Variants in SND1 observed in about 807,000 individuals in gnomAD.
The protein encoded by SND1 is staphylococcal nuclease and tudor domain containing 1, also known as staphylococcal nuclease domain-containing protein 1.
In SND1, 38 loss-of-function variants were observed where a neutral mutation model predicts 121.7. The ratio of observed to expected loss-of-function variants is 0.31; its 90% CI spans 0.24 to 0.41. SND1 has a LOEUF of 0.41. Ranked by LOEUF, SND1 falls within the 10% of genes least tolerant of loss-of-function variation. The pLI is 1.00. For synonymous variants in SND1, 401 were observed against 447.4 expected (o/e 0.90, Z 1.31); for missense variants, 868 against 1,184.6 (o/e 0.73, Z 3.92).
At chr7:127,665,646 A>T (rs187878434) in intron 1 of SND1, among the ~76,000 whole-genome samples, 1 of 152,282 alleles carries the variant, frequency 6.6e-6, no homozygotes, top group East Asian at 1.9e-4. Flanking sequence ...GGTGATAGGT[A>T]TAGGGACCAC....
chr7:127,755,008 T>C (rs1797168714), intron 10 of SND1, among the ~76,000 whole-genome samples: 1 of 152,246 alleles, frequency 6.6e-6, no homozygotes, highest in South Asian at 2.1e-4. Flanking sequence ...CTAATTTGCA[T>C]GGCTCTACTT....
chr7:127,854,067 G>A (rs1799222875), intron 12 of SND1, among the ~76,000 whole-genome samples: 1 of 152,138 alleles, frequency 6.6e-6, no homozygotes, highest in African/African-American at 2.4e-5. Context: ...ACTTTCTGAT[G>A]TGCTGCTAAC....
At chr7:127,766,841 T>G (rs1203768468) in intron 10 of SND1, among the ~76,000 whole-genome samples, 1 of 149,182 alleles carries the variant, frequency 6.7e-6, no homozygotes, top group Non-Finnish European at 1.5e-5. Context: ...GAATTGCTAT[T>G]GCCAAAATTT....
chr7:127,870,514 T>G (rs1799565529), intron 12 of SND1, among the ~76,000 whole-genome samples: 1 of 152,204 alleles, frequency 6.6e-6, no homozygotes, highest in Non-Finnish European at 1.5e-5. Context: ...AGAGGCTGTA[T>G]GGTATAGCCT....
intron 10 of SND1, among the ~76,000 whole-genome samples, chr7:127,793,037 A>G (rs1797942076): frequency 1.3e-5 from 2 of 152,216 alleles, no homozygotes; most frequent in Non-Finnish European, 2.9e-5. Flanking sequence ...TCAGTTTTGA[A>G]ACTGCATCAC....
chr7:127,939,494 A>G (rs1801137923), intron 15 of SND1, among the ~76,000 whole-genome samples: 1 of 152,176 alleles, frequency 6.6e-6, no homozygotes, highest in Non-Finnish European at 1.5e-5. Flanking sequence ...TGGAGCTAAA[A>G]CACTTAAAGA....
intron 10 of SND1, among the ~76,000 whole-genome samples, chr7:127,786,053 T>C (rs1797806471): frequency 6.6e-6 from 1 of 152,170 alleles, no homozygotes; most frequent in Non-Finnish European, 1.5e-5. Flanking sequence ...TTGCGGACAC[T>C]TCCTGAAGCC....
intron 15 of SND1, among the ~76,000 whole-genome samples, chr7:127,959,397 T>A (rs574540371): frequency 1.2e-4 from 19 of 152,326 alleles, no homozygotes; most frequent in Non-Finnish European, 2.5e-4. Flanking sequence ...ATTCTAACAG[T>A]GGCTTTCCAT....
chr7:128,030,419 G>A (rs200484242), intron 16 of SND1: 1 of 1,613,898 alleles, frequency 6.2e-7, no homozygotes, highest in Non-Finnish European at 8.5e-7. Flanking sequence ...GGGTGTTCGA[G>A]GGAATACCCT....
At chr7:127,937,565 T>C (rs1801087693) in intron 15 of SND1, among the ~76,000 whole-genome samples, 1 of 152,232 alleles carries the variant, frequency 6.6e-6, no homozygotes, top group African/African-American at 2.4e-5. Context: ...TCTAAGTGTC[T>C]AGGATTTGAT....
chr7:127,978,511 A>G (rs1202899294), intron 15 of SND1, among the ~76,000 whole-genome samples: 1 of 151,966 alleles, frequency 6.6e-6, no homozygotes, highest in African/African-American at 2.4e-5. Context: ...CTGTGGGAGG[A>G]CAGTGGGAAT....
chr7:127,798,586 T>A (rs1035548593), intron 10 of SND1, among the ~76,000 whole-genome samples: 4 of 152,310 alleles, frequency 2.6e-5, no homozygotes, highest in East Asian at 3.9e-4. Context: ...CTTTTTTTTT[T>A]AATTGAACTA....
intron 12 of SND1, among the ~76,000 whole-genome samples, chr7:127,858,928 T>A (rs1454592687): frequency 6.6e-6 from 1 of 152,212 alleles, no homozygotes; most frequent in Non-Finnish European, 1.5e-5. Flanking sequence ...AGTTTCTTCC[T>A]CTGAACAAAA....
chr7:127,652,367 T>A lies in SND1; in HGVS notation c.-7T>A. 2.5e-6 allele frequency: 4 copies of A among 1,573,572 alleles called. 1 individual carries two copies. The South Asian group carries it at 4.7e-5, about 18-fold the overall frequency. ...CCGCTCCACTCGTTGCCTTTGCATC[T>A]CCACACATGGCGTCCTCCGCGCAGA... On this transcript the variant is annotated 5_prime_UTR_variant, in exon 1 of 24. Transcript: ENST00000354725.
Position 127,720,674 on chromosome 7 carries a change from G to A in SND1, c.1039-613G>A, listed in dbSNP as rs114561321. ...CTTGGGTTCCAAAACAAAGATGTCCGTAGTAGTAGTGCTCTGAAAAGGTGG... is the reference window on the plus strand; with the variant it reads ...CTTGGGTTCCAAAACAAAGATGTCCATAGTAGTAGTGCTCTGAAAAGGTGG... On this transcript the variant is annotated intron_variant, in intron 9 of 23. Transcript: ENST00000354725. Among the ~76,000 whole-genome samples the A allele has an allele frequency of 4.2e-3, 643 of 152,282 alleles. 7 individuals carry two copies. Among genetic ancestry groups the A allele is most frequent in the African/African-American group, 0.015 (616 of 41,558 alleles).
chr7:127,904,651 T>G, intron 13 of SND1, 96 bp from the exon 14 acceptor site: 1 of 764,144 alleles, frequency 1.3e-6, no homozygotes, highest in Non-Finnish European at 2.3e-6. Context: ...ACATCCCCAC[T>G]TTAACAACCC....
At chr7:127,921,778 A>G (rs546407613) in intron 14 of SND1, among the ~76,000 whole-genome samples, 7 of 152,290 alleles carry the variant, frequency 4.6e-5, no homozygotes, top group African/African-American at 1.7e-4. Flanking sequence ...TTTTCTGTTT[A>G]ACTATAGTTT....
intron 9 of SND1, among the ~76,000 whole-genome samples, chr7:127,720,388 TAA>T (rs1461322891): frequency 2.0e-5 from 3 of 152,142 alleles, no homozygotes; most frequent in Non-Finnish European, 1.5e-5. Flanking sequence ...TACCTTGTAA[TAA>T]AGTGTTGCTT....
rs190018776 is a variant in SND1 at position 127,681,697 on chromosome 7, A to G, written c.79-4916A>G. Among the ~76,000 whole-genome samples, 726 of 152,244 alleles carry G rather than the reference A, an allele frequency of 4.8e-3. 7 individuals carry two copies. The highest frequency in any genetic ancestry group is 0.017 in the African/African-American group (692 of 41,536). Reference sequence around the variant, plus strand: ...TAGAGGGCCAACTTCATTCTTTTGCACATGGAGATCTAGTTGTCCCAACAC... The same window carrying G: ...TAGAGGGCCAACTTCATTCTTTTGCGCATGGAGATCTAGTTGTCCCAACAC... On this transcript the variant is annotated intron_variant, in intron 1 of 23. Transcript: ENST00000354725.
Sources: allele counts gnomAD v4.1 joint callset (sites outside exome capture counted in the v4.1 genomes callset), GRCh38; gene constraint gnomAD v4.1.1; transcripts MANE v1.5; gene names NCBI Gene and HGNC (gene_info 2026-07-23, HGNC 2026-07-21).